Variants in ITIH6 observed in about 807,000 individuals in gnomAD.
The protein encoded by ITIH6 is inter-alpha-trypsin inhibitor heavy chain H6.
A neutral mutation model predicts 58.2 loss-of-function variants in ITIH6; 60 were observed. That is an observed-to-expected ratio of 1.03 (90% CI 0.84 to 1.28). The LOEUF is 1.28. ITIH6 is among the 50% of genes most tolerant of loss of function. The pLI is 0.00. For missense variants in ITIH6, 1,290 were observed against 1,021.1 expected, an observed-to-expected ratio of 1.26 and a Z score of -3.59; for synonymous variants, 493 against 417.4, an observed-to-expected ratio of 1.18 and a Z score of -2.21.
intron 2 of ITIH6, 92 bp from the exon 3 acceptor site, chrX:54,792,128 G>A (rs1280823019): frequency 2.7e-5 from 16 of 588,789 alleles, no homozygotes; most frequent in Admixed American, 5.4e-5. Flanking sequence ...GTAGAAAGAG[G>A]AGGGTAGAGA....
Position 54,757,414 on chromosome X carries a change from G to A in ITIH6, c.2660C>T (p.Pro887Leu). 8.3e-7 allele frequency: 1 copy of A among 1,211,091 alleles called. No individual in the cohort carries two copies. Among genetic ancestry groups the A allele is most frequent in the Non-Finnish European group, 1.1e-6 (1 of 895,063 alleles). The change falls in exon 8 of 13, where the codon CCT becomes CTT. Residue 887 changes from proline (P) to leucine (L), a missense_variant. Coordinates refer to ENST00000218436, the MANE Select transcript of ITIH6 (RefSeq NM_198510.3). The stretch of plus-strand genomic sequence containing the variant: ...GGGCCTTGGTCTGTCAGGTCTAGGA[G>A]GTAGTGGGGTTTGAGGCATATGGGG... ...PNPHMPQTPLPPRPDRPRPPL... is the reference protein window; with the variant it reads ...PNPHMPQTPLLPRPDRPRPPL...
chrX:54,765,594 CTTTTTTTTTTTT>C (rs1178444249), intron 6 of ITIH6, among the ~76,000 whole-genome samples: 1 of 79,211 alleles, frequency 1.3e-5, no homozygotes, highest in Middle Eastern at 6.8e-3. Context: ...TATTTCTTTT[CTTTTTTTTTTTT>C]TTTTTTTTGA....
chrX:54,788,693 C>T, intron 4 of ITIH6, 44 bp from the exon 5 acceptor site: 4 of 1,077,349 alleles, frequency 3.7e-6, no homozygotes, highest in South Asian at 3.9e-5. Context: ...ACAGAGGACT[C>T]GCAAGACAGA....
In ITIH6 at chrX:54,791,061, C is replaced by T. The variant is rs775742592; in HGVS notation, c.392G>A (p.Arg131His). Reference sequence around the variant, plus strand: ...GCCTGCTGCCAGGCTGGTGGAGATGCGGAACTTCTCTGATTCCCGGTCCCT... The same window carrying T: ...GCCTGCTGCCAGGCTGGTGGAGATGTGGAACTTCTCTGATTCCCGGTCCCT... ...GIRDRESEKFRISTSLAAGTE... is the reference protein window; with the variant it reads ...GIRDRESEKFHISTSLAAGTE... The change falls in exon 4 of 13, where the codon CGC (arginine) becomes CAC (histidine). Residue 131 changes from arginine to histidine, a missense_variant. Transcript: ENST00000218436. The T allele has an allele frequency of 8.8e-5, 106 of 1,209,315 alleles. No individual in the cohort carries two copies. Among genetic ancestry groups the T allele is most frequent in the Non-Finnish European group, 6.1e-5 (55 of 894,749 alleles).
chrX:54,764,533 GT>G (rs1928726919), intron 6 of ITIH6, among the ~76,000 whole-genome samples: 2 of 106,428 alleles, frequency 1.9e-5, no homozygotes, highest in East Asian at 5.9e-4. Flanking sequence ...TCTTGCGATA[GT>G]TTACTGAGAA....
At chrX:54,766,278 G>C (rs1039612046) in intron 6 of ITIH6, among the ~76,000 whole-genome samples, 1 of 100,484 alleles carries the variant, frequency 1.0e-5, no homozygotes, top group African/African-American at 3.7e-5. Flanking sequence ...TCAGCTTAAG[G>C]AGATTTTGGG....
chrX:54,790,736 A>T (rs1929328950), intron 4 of ITIH6, 101 bp downstream of exon 4: 2 of 1,032,594 alleles, frequency 1.9e-6, no homozygotes, highest in Admixed American at 4.6e-5. Context: ...GGCAGTGAGT[A>T]CAGAGCAGAA....
chrX:54,770,363 T>C (rs1928924149), intron 6 of ITIH6, among the ~76,000 whole-genome samples: 1 of 112,968 alleles, frequency 8.9e-6, no homozygotes, highest in Non-Finnish European at 1.9e-5. Flanking sequence ...CTGGGAGCTG[T>C]AGACCGGAGC....
intron 4 of ITIH6, among the ~76,000 whole-genome samples, chrX:54,789,900 G>A (rs1294837364): frequency 1.8e-5 from 2 of 110,116 alleles, no homozygotes; most frequent in Non-Finnish European, 3.8e-5. Context: ...ATGGCATCTC[G>A]TCCATTTTAC....
chrX:54,771,675 A>G (rs908923647), intron 6 of ITIH6, among the ~76,000 whole-genome samples: 1 of 112,242 alleles, frequency 8.9e-6, no homozygotes, highest in Admixed American at 9.5e-5. Context: ...AAATTGGCAA[A>G]GGACATGAAC....
At chrX:54,763,249 G>C (rs1928691579) in intron 6 of ITIH6, among the ~76,000 whole-genome samples, 1 of 111,563 alleles carries the variant, frequency 9.0e-6, no homozygotes, top group Admixed American at 9.6e-5. Context: ...GCCATAGGGA[G>C]AGCTCTGGGG....
intron 6 of ITIH6, among the ~76,000 whole-genome samples, chrX:54,763,245 G>T (rs1928691392): frequency 9.0e-6 from 1 of 111,632 alleles, no homozygotes; most frequent in Admixed American, 9.6e-5. Context: ...TCCTGCCATA[G>T]GGAGAGCTCT....
intron 2 of ITIH6, among the ~76,000 whole-genome samples, chrX:54,795,992 G>C (rs780564778): frequency 3.6e-5 from 4 of 111,733 alleles, no homozygotes; most frequent in Non-Finnish European, 5.6e-5. Context: ...AGCCTTCTGA[G>C]TAGCTGAGAC....
chrX:54,762,969 T>C (rs2147605458), intron 6 of ITIH6, among the ~76,000 whole-genome samples: 1 of 112,027 alleles, frequency 8.9e-6, no homozygotes, highest in African/African-American at 3.2e-5. Context: ...GTATTAATAC[T>C]ATCCTCATTT....
chrX:54,751,410 G>C (rs1417378946), intron 11 of ITIH6, 30 bp from the exon 12 acceptor site: 16 of 1,194,040 alleles, frequency 1.3e-5, no homozygotes, highest in Non-Finnish European at 1.0e-5. Flanking sequence ...GGCCTGGAGC[G>C]GGGGCTTTTG....
intron 11 of ITIH6, among the ~76,000 whole-genome samples, chrX:54,753,051 A>G (rs910710017): frequency 8.9e-6 from 1 of 112,709 alleles, no homozygotes; most frequent in African/African-American, 3.2e-5. Context: ...TCACCGGAGA[A>G]TTCTCCACCA....
intron 6 of ITIH6, among the ~76,000 whole-genome samples, chrX:54,763,847 A>G (rs1004517648): frequency 5.4e-5 from 6 of 111,980 alleles, no homozygotes; most frequent in Non-Finnish European, 9.4e-5. Flanking sequence ...ATATTTTGGT[A>G]TGTTGTTCGT....
intron 3 of ITIH6, among the ~76,000 whole-genome samples, chrX:54,791,433 A>T (rs1929347477): frequency 9.0e-6 from 1 of 110,509 alleles, no homozygotes; most frequent in Non-Finnish European, 1.9e-5. Flanking sequence ...ACAATGCCTC[A>T]GCCCCTTCAA....
chrX:54,755,184 A>C (rs1181088611), intron 8 of ITIH6, 75 bp from the exon 9 acceptor site: 5 of 903,540 alleles, frequency 5.5e-6, no homozygotes, highest in Non-Finnish European at 8.0e-6. Context: ...TGACAAGGAG[A>C]GCCCTCACTG....
Sources: allele counts gnomAD v4.1 joint callset (sites outside exome capture counted in the v4.1 genomes callset), GRCh38; gene constraint gnomAD v4.1.1; transcripts MANE v1.5; gene names NCBI Gene and HGNC (gene_info 2026-07-23, HGNC 2026-07-21).